ADGRB3: variants seen among roughly 807,000 people sequenced by gnomAD.
The protein encoded by ADGRB3 is adhesion G protein-coupled receptor B3, also known as brain-specific angiogenesis inhibitor 3.
Under a neutral mutation model 193.4 loss-of-function variants are expected in ADGRB3, and 37 were observed. The observed-to-expected ratio is 0.19, with a 90% CI of 0.15 to 0.25. The LOEUF is 0.25. ADGRB3 is among the 10% of genes least tolerant of loss of function. ADGRB3 has a pLI of 1.00. For synonymous variants in ADGRB3, 690 were observed against 644.2 expected, an observed-to-expected ratio of 1.07 and a Z score of -1.08; for missense variants, 1,637 against 1,852.9, an observed-to-expected ratio of 0.88 and a Z score of 2.14.
intron 20 of ADGRB3, among the ~76,000 whole-genome samples, chr6:69,261,967 A>G (rs1035797851): frequency 1.3e-5 from 2 of 152,068 alleles, no homozygotes; most frequent in African/African-American, 4.8e-5. Context: ...AACAGGTTAC[A>G]AGCATAATCA....
chr6:69,220,876 T>C (rs1765879122), intron 17 of ADGRB3, among the ~76,000 whole-genome samples: 1 of 152,140 alleles, frequency 6.6e-6, no homozygotes, highest in Admixed American at 6.6e-5. Flanking sequence ...TGATGCATTC[T>C]TCCCCTTTAT....
At chr6:69,133,183 G>A (rs986172535) in intron 17 of ADGRB3, among the ~76,000 whole-genome samples, 8 of 151,980 alleles carry the variant, frequency 5.3e-5, no homozygotes, top group Non-Finnish European at 8.8e-5. Context: ...TAGCTTGATG[G>A]GATCACATTG....
At chr6:69,326,100 G>A (rs1312320889) in intron 21 of ADGRB3, among the ~76,000 whole-genome samples, 4 of 152,012 alleles carry the variant, frequency 2.6e-5, no homozygotes, top group Admixed American at 6.6e-5. Context: ...AAAATTAGCC[G>A]GGAGTGATGG....
intron 6 of ADGRB3, among the ~76,000 whole-genome samples, chr6:68,945,582 A>G (rs1305292626): frequency 6.6e-6 from 1 of 152,162 alleles, no homozygotes; most frequent in Non-Finnish European, 1.5e-5. Flanking sequence ...CATGAAGTGC[A>G]AAGAAATAGA....
Position 69,080,041 on chromosome 6 carries a change from A to G in ADGRB3, c.2480+4003A>G, listed in dbSNP as rs549517295. Among the ~76,000 whole-genome samples, 109 of 152,128 alleles carry G rather than the reference A, an allele frequency of 7.2e-4. 1 individual carries two copies. In the South Asian group the frequency reaches 0.022, roughly 31 times the overall value. ...GCTTGTTTTCTCTCAAAGTTAAGTA[A>G]TTGAATTGAACTAATTTCTCTCCTT... On this transcript the variant is annotated intron_variant, in intron 17 of 31. Transcript: ENST00000370598.
At chr6:69,019,855 T>C (rs1278152775) in intron 13 of ADGRB3, among the ~76,000 whole-genome samples, 1 of 152,006 alleles carries the variant, frequency 6.6e-6, no homozygotes, top group Non-Finnish European at 1.5e-5. Flanking sequence ...TGTTGAACGA[T>C]GAATTCAGAA....
At chr6:68,967,141 A>G (rs957970770) in intron 8 of ADGRB3, among the ~76,000 whole-genome samples, 1 of 152,102 alleles carries the variant, frequency 6.6e-6, no homozygotes, top group Non-Finnish European at 1.5e-5. Flanking sequence ...AAATAATAAT[A>G]ATTTGTGTAG....
At chr6:68,771,932 A>G (rs1300931839) in intron 3 of ADGRB3, among the ~76,000 whole-genome samples, 1 of 152,104 alleles carries the variant, frequency 6.6e-6, no homozygotes, top group African/African-American at 2.4e-5. Flanking sequence ...TTGATAAGCA[A>G]TGTGACCTTC....
At chr6:69,063,992 A>G (rs1562143448) in intron 16 of ADGRB3, among the ~76,000 whole-genome samples, 1 of 151,932 alleles carries the variant, frequency 6.6e-6, no homozygotes, top group Non-Finnish European at 1.5e-5. Flanking sequence ...TGAAAAAAAA[A>G]TAAAGGAAAA....
At chr6:69,180,894 C>T (rs553921915) in intron 17 of ADGRB3, among the ~76,000 whole-genome samples, 15 of 152,264 alleles carry the variant, frequency 9.9e-5, no homozygotes, top group South Asian at 4.1e-4. Context: ...TTAAAAATGG[C>T]GTCCTGCTCT....
chr6:68,733,971 C>G (rs755998095), intron 3 of ADGRB3, among the ~76,000 whole-genome samples: 2 of 151,156 alleles, frequency 1.3e-5, no homozygotes, highest in African/African-American at 2.4e-5. Flanking sequence ...CTCATAGACC[C>G]CAGAAATGTA....
intron 17 of ADGRB3, among the ~76,000 whole-genome samples, chr6:69,228,293 T>C (rs923054423): frequency 2.1e-4 from 32 of 152,096 alleles, no homozygotes; most frequent in African/African-American, 7.5e-4. Context: ...GAGCTGAACA[T>C]TTATTATTAA....
intron 3 of ADGRB3, among the ~76,000 whole-genome samples, chr6:68,829,909 T>C (rs889069451): frequency 1.4e-4 from 21 of 152,106 alleles, no homozygotes; most frequent in South Asian, 2.1e-4. Context: ...TCATATAAGA[T>C]AGAACATAAT....
intron 5 of ADGRB3, among the ~76,000 whole-genome samples, chr6:68,939,343 C>T (rs1767574324): frequency 6.6e-6 from 1 of 152,094 alleles, no homozygotes; most frequent in South Asian, 2.1e-4. Context: ...AATAATGGAA[C>T]ACTAGGCATA....
chr6:68,934,808 A>G (rs1346155332), intron 4 of ADGRB3, among the ~76,000 whole-genome samples: 3 of 152,222 alleles, frequency 2.0e-5, no homozygotes, highest in African/African-American at 7.2e-5. Flanking sequence ...ATGTAAAAGA[A>G]CAAATTATGA....
At chr6:68,835,274 A>G (rs747918210) in intron 3 of ADGRB3, among the ~76,000 whole-genome samples, 3 of 152,152 alleles carry the variant, frequency 2.0e-5, no homozygotes, top group Non-Finnish European at 4.4e-5. Context: ...TTGACTTGTC[A>G]TGATTACACC....
intron 17 of ADGRB3, among the ~76,000 whole-genome samples, chr6:69,194,831 G>A (rs972546380): frequency 2.6e-5 from 4 of 152,110 alleles, no homozygotes; most frequent in African/African-American, 9.7e-5. Flanking sequence ...AGCATCTCTT[G>A]CCACAGTACA....
chr6:69,331,977 AC>A (rs1413548914), intron 23 of ADGRB3: 8 of 985,012 alleles, frequency 8.1e-6, no homozygotes, highest in Middle Eastern at 5.2e-4. Flanking sequence ...CATCTTCCTT[AC>A]GTTAGCAACT....
chr6:68,788,961 A>G (rs1767039368), intron 3 of ADGRB3, among the ~76,000 whole-genome samples: 1 of 152,298 alleles, frequency 6.6e-6, no homozygotes, highest in Admixed American at 6.5e-5. Flanking sequence ...GTTTTAGCAG[A>G]GACTGGGATT....
Sources: allele counts gnomAD v4.1 joint callset (sites outside exome capture counted in the v4.1 genomes callset), GRCh38; gene constraint gnomAD v4.1.1; transcripts MANE v1.5; gene names NCBI Gene and HGNC (gene_info 2026-07-23, HGNC 2026-07-21).